RIPOR3: variants seen among roughly 807,000 people sequenced by gnomAD.
RIPOR3 encodes the protein family with sequence similarity 65 member C.
In RIPOR3, 95 loss-of-function variants were observed where a neutral mutation model predicts 114.3. The observed-to-expected ratio is 0.83, with a 90% CI of 0.70 to 0.99. The LOEUF (loss-of-function observed/expected upper bound fraction) is 0.99. Ranked by LOEUF, RIPOR3 falls within the 50% of genes least tolerant of loss-of-function variation. The pLI is 0.00. For missense variants in RIPOR3, 1,252 were observed against 1,266.9 expected, an observed-to-expected ratio of 0.99 and a Z score of 0.18; for synonymous variants, 575 against 543.8, an observed-to-expected ratio of 1.06 and a Z score of -0.80.
At chr20:50,592,308 G>A (rs1231061736) in intron 19 of RIPOR3, 36 bp downstream of exon 19, 1 of 1,512,380 alleles carries the variant, frequency 6.6e-7, no homozygotes, top group African/African-American at 1.4e-5. Flanking sequence ...CCACACATCT[G>A]TGGCCAGGGT....
At chr20:50,674,453 T>C (rs1316097415) in intron 1 of RIPOR3, among the ~76,000 whole-genome samples, 2 of 151,682 alleles carry the variant, frequency 1.3e-5, no homozygotes, top group Non-Finnish European at 2.9e-5. Context: ...GCAAATTCCG[T>C]AGTAAGAGGA....
chr20:50,630,483 T>C (rs1046433900), intron 2 of RIPOR3, among the ~76,000 whole-genome samples: 5 of 152,300 alleles, frequency 3.3e-5, no homozygotes, highest in Admixed American at 3.3e-4. Flanking sequence ...CTGGAGACTT[T>C]GAAATGATAA....
At chr20:50,589,795 T>G in intron 19 of RIPOR3, 26 bp from the exon 20 acceptor site, 1 of 1,604,940 alleles carries the variant, frequency 6.2e-7, no homozygotes, top group Non-Finnish European at 8.5e-7. Context: ...AGGCTGTGAA[T>G]GGAGGGGTAA....
At chr20:50,601,306 C>T (rs985045272) in intron 13 of RIPOR3, among the ~76,000 whole-genome samples, 1 of 152,124 alleles carries the variant, frequency 6.6e-6, no homozygotes, top group Non-Finnish European at 1.5e-5. Context: ...TGGTGGTGTG[C>T]ACCTGTAATC....
intron 2 of RIPOR3, among the ~76,000 whole-genome samples, chr20:50,629,069 G>C (rs114638436): frequency 0.01 from 1,531 of 152,278 alleles, 24 homozygotes; most frequent in African/African-American, 0.035. Context: ...GTGGAGGAGT[G>C]GGGTAGGAGC....
At position 50,611,216 on chromosome 20, in the gene RIPOR3, G is replaced by A; in HGVS notation, c.349-12C>T. ...TCATAATAGAAAGCCTGTGAGGGAGGAAAGGAGGGCGGAAGAAGCTGTCAG... is the reference window on the plus strand; with the variant it reads ...TCATAATAGAAAGCCTGTGAGGGAGAAAAGGAGGGCGGAAGAAGCTGTCAG... On this transcript the variant is annotated splice_polypyrimidine_tract_variant and intron_variant, in intron 4 of 21. Transcript: ENST00000327979. 1 of 1,614,156 alleles carries A rather than the reference G, an allele frequency of 6.2e-7. No individual in the cohort carries two copies. The highest frequency in any genetic ancestry group is 8.5e-7 in the Non-Finnish European group (1 of 1,180,038).
At chr20:50,587,422 CTG>C in intron 21 of RIPOR3, 90 bp from the exon 22 acceptor site, 1 of 1,092,266 alleles carries the variant, frequency 9.2e-7, no homozygotes, top group Non-Finnish European at 1.4e-6. Flanking sequence ...TGCTTAGTGA[CTG>C]TGGGTCTCAG....
intron 2 of RIPOR3, among the ~76,000 whole-genome samples, chr20:50,622,108 C>T (rs2426171): frequency 0.76 from 115,226 of 151,998 alleles, 43,863 homozygotes; most frequent in Middle Eastern, 0.88. Flanking sequence ...TGGCACCAGG[C>T]ATCACTTAAT....
At chr20:50,612,509 G>A (rs1184161550) in intron 4 of RIPOR3, among the ~76,000 whole-genome samples, 1 of 152,190 alleles carries the variant, frequency 6.6e-6, no homozygotes, top group Non-Finnish European at 1.5e-5. Flanking sequence ...TTACCATGGG[G>A]TTGTAGATCC....
At chr20:50,682,612 A>ATGTTTGTGTGTGTGTG (rs1555877416) in intron 1 of RIPOR3, among the ~76,000 whole-genome samples, 1 of 146,792 alleles carries the variant, frequency 6.8e-6, no homozygotes, top group Non-Finnish European at 1.5e-5. Flanking sequence ...GTCTCAAAAT[A>ATGTTTGTGTGTGTGTG]TGTGTGTGTG....
chr20:50,621,118 G>GA (rs2084387063), intron 2 of RIPOR3: 3 of 41,864 alleles, frequency 7.2e-5, no homozygotes, highest in Admixed American at 3.6e-4. Context: ...AGAACAGCTT[G>GA]ACAAAAAAAA....
intron 1 of RIPOR3, among the ~76,000 whole-genome samples, chr20:50,688,063 A>G (rs55837087): frequency 0.082 from 12,548 of 152,240 alleles, 725 homozygotes; most frequent in African/African-American, 0.16. Context: ...TCTGTAATCA[A>G]CCTATGGTTA....
At chr20:50,626,533 AG>A (rs2084626243) in intron 2 of RIPOR3, among the ~76,000 whole-genome samples, 1 of 152,156 alleles carries the variant, frequency 6.6e-6, no homozygotes, top group Non-Finnish European at 1.5e-5. Flanking sequence ...GGGGCCAACG[AG>A]AGGCAGAGGC....
chr20:50,647,507 G>A (rs1379722734), intron 1 of RIPOR3, among the ~76,000 whole-genome samples: 1 of 136,948 alleles, frequency 7.3e-6, no homozygotes, highest in African/African-American at 2.7e-5. Flanking sequence ...TTTTGAGATG[G>A]AGTCTTGCTC....
At chr20:50,671,084 T>C (rs556932760) in intron 1 of RIPOR3, among the ~76,000 whole-genome samples, 1 of 152,270 alleles carries the variant, frequency 6.6e-6, no homozygotes, top group Non-Finnish European at 1.5e-5. Flanking sequence ...TGCACCACCA[T>C]GCCTGGCTAA....
chr20:50,588,538 C>T (rs1263925783), intron 20 of RIPOR3, among the ~76,000 whole-genome samples: 1 of 152,088 alleles, frequency 6.6e-6, no homozygotes, highest in Non-Finnish European at 1.5e-5. Flanking sequence ...TCAAGAGTCT[C>T]AAAAATGCTC....
chr20:50,656,867 C>T (rs1462725268), intron 1 of RIPOR3, among the ~76,000 whole-genome samples: 3 of 152,122 alleles, frequency 2.0e-5, no homozygotes, highest in African/African-American at 4.8e-5. Context: ...GTTTTTAAAC[C>T]GTTTCCTATG....
chr20:50,598,588 A>T (rs547609805), intron 13 of RIPOR3, among the ~76,000 whole-genome samples: 3 of 152,306 alleles, frequency 2.0e-5, no homozygotes, highest in South Asian at 4.1e-4. Flanking sequence ...ATAGGCATAC[A>T]TGTGTATGTA....
chr20:50,664,298 G>A lies in RIPOR3; in HGVS notation c.3+26828C>T, dbSNP rs149261543. Among the ~76,000 whole-genome samples the A allele has an allele frequency of 1.1e-3, 172 of 152,308 alleles. 4 individuals are homozygous for A. The highest frequency in any genetic ancestry group is 7.3e-3 in the Admixed American group (111 of 15,294). On this transcript the variant is annotated intron_variant, in intron 1 of 21. Transcript: ENST00000327979. The stretch of plus-strand genomic sequence containing the variant: ...AACCTAATATTTAAGGTAGGACACC[G>A]TGAAGCCCAGTGAGATCTCTGTGGT...
Sources: gnomAD v4.1 joint callset for allele counts (sites outside exome capture counted in the v4.1 genomes callset) on GRCh38, gnomAD v4.1.1 for gene constraint, MANE v1.5 for transcripts, NCBI Gene and HGNC (gene_info 2026-07-23, HGNC 2026-07-21) for gene names.